Variants in FGF12 observed in about 807,000 individuals in gnomAD.
The protein encoded by FGF12 is fibroblast growth factor 12B.
Under a neutral mutation model 23.6 loss-of-function variants are expected in FGF12, and 14 were observed. The observed-to-expected ratio is 0.59, with a 90% CI of 0.39 to 0.93. The LOEUF (loss-of-function observed/expected upper bound fraction) is 0.93, where lower values mean the gene tolerates loss of function less well. FGF12 is among the 40% of genes least tolerant of loss of function. The pLI is 0.00. For missense variants in FGF12, 175 were observed against 217.8 expected, an observed-to-expected ratio of 0.80 and a Z score of 1.24; for synonymous variants, 62 against 77.3, an observed-to-expected ratio of 0.80 and a Z score of 1.04.
intron 5 of FGF12, among the ~76,000 whole-genome samples, chr3:192,158,352 TTC>T (rs1714577974): frequency 1.1e-5 from 1 of 94,984 alleles, no homozygotes; most frequent in African/African-American, 4.1e-5. Flanking sequence ...CTTTCTTTCT[TTC>T]TTTCTTTCTT....
At chr3:192,544,775 A>C (rs1725455185) in intron 2 of FGF12, among the ~76,000 whole-genome samples, 1 of 152,174 alleles carries the variant, frequency 6.6e-6, no homozygotes, top group African/African-American at 2.4e-5. Flanking sequence ...TAGACTTTTT[A>C]GACTCTCATT....
intron 2 of FGF12, among the ~76,000 whole-genome samples, chr3:192,414,253 T>C (rs1721279922): frequency 6.6e-6 from 1 of 152,192 alleles, no homozygotes; most frequent in Non-Finnish European, 1.5e-5. Flanking sequence ...TATTGACACA[T>C]TGAATCCTTA....
At chr3:192,541,155 C>T (rs1312715462) in intron 2 of FGF12, among the ~76,000 whole-genome samples, 3 of 152,066 alleles carry the variant, frequency 2.0e-5, no homozygotes, top group Non-Finnish European at 2.9e-5. Flanking sequence ...GGACTTACCC[C>T]TGCCATTTTG....
chr3:192,176,143 C>T (rs2108626990), intron 4 of FGF12, among the ~76,000 whole-genome samples: 1 of 152,304 alleles, frequency 6.6e-6, no homozygotes, highest in East Asian at 1.9e-4. Context: ...GTTTGACTCC[C>T]ACTGTCAACA....
At chr3:192,222,350 G>A (rs1718520113) in intron 4 of FGF12, among the ~76,000 whole-genome samples, 1 of 152,150 alleles carries the variant, frequency 6.6e-6, no homozygotes, top group African/African-American at 2.4e-5. Flanking sequence ...TCCTTAGAAT[G>A]TCCAGAGGAA....
At chr3:192,377,486 G>A (rs963169039) in intron 2 of FGF12, among the ~76,000 whole-genome samples, 1 of 152,186 alleles carries the variant, frequency 6.6e-6, no homozygotes, top group Non-Finnish European at 1.5e-5. Context: ...TTTTAAGTGG[G>A]AGGCAGAGTC....
intron 2 of FGF12, among the ~76,000 whole-genome samples, chr3:192,427,885 C>T (rs948000265): frequency 6.6e-6 from 1 of 152,210 alleles, no homozygotes; most frequent in African/African-American, 2.4e-5. Context: ...TCTTCTCATG[C>T]CTGCTGGCAT....
At chr3:192,158,001 G>T (rs1208076872) in intron 5 of FGF12, among the ~76,000 whole-genome samples, 3 of 152,160 alleles carry the variant, frequency 2.0e-5, no homozygotes, top group Non-Finnish European at 4.4e-5. Context: ...GCAATACAGG[G>T]CAGTCAGCTT....
chr3:192,225,809 T>C (rs776440644), intron 4 of FGF12, among the ~76,000 whole-genome samples: 1 of 152,162 alleles, frequency 6.6e-6, no homozygotes, highest in Non-Finnish European at 1.5e-5. Context: ...TGTTATAACA[T>C]GGATGAACCT....
chr3:192,698,590 T>C (rs1282271197), intron 2 of FGF12, among the ~76,000 whole-genome samples: 1 of 66,532 alleles, frequency 1.5e-5, no homozygotes, highest in African/African-American at 1.7e-4. Context: ...TGAGTAAACA[T>C]AGACTTCATT....
intron 2 of FGF12, among the ~76,000 whole-genome samples, chr3:192,431,005 T>G (rs1282425165): frequency 6.6e-6 from 1 of 152,190 alleles, no homozygotes; most frequent in Non-Finnish European, 1.5e-5. Flanking sequence ...CATGTTAACC[T>G]CAAGTCACAA....
intron 4 of FGF12, among the ~76,000 whole-genome samples, chr3:192,214,100 G>A (rs945820002): frequency 1.3e-5 from 2 of 152,202 alleles, no homozygotes; most frequent in Admixed American, 6.5e-5. Flanking sequence ...CAATCTAGAA[G>A]ATGCTTTTCC....
chr3:192,700,298 A>G (rs540584561), intron 2 of FGF12, among the ~76,000 whole-genome samples: 1 of 152,308 alleles, frequency 6.6e-6, no homozygotes, highest in African/African-American at 2.4e-5. Flanking sequence ...TAAAACCAGA[A>G]AATTGGGCTT....
chr3:192,472,414 T>C (rs995398458), intron 2 of FGF12, among the ~76,000 whole-genome samples: 22 of 152,280 alleles, frequency 1.4e-4, no homozygotes, highest in South Asian at 2.1e-4. Flanking sequence ...TAGGTTCAGA[T>C]ACTTGGAATG....
chr3:192,567,471 G>A (rs935120077), intron 2 of FGF12, among the ~76,000 whole-genome samples: 8 of 152,232 alleles, frequency 5.3e-5, no homozygotes, highest in East Asian at 1.9e-4. Context: ...TGCCTGGGGG[G>A]AAAAGCATGT....
At chr3:192,340,824 A>T (rs1489518455) in intron 3 of FGF12, among the ~76,000 whole-genome samples, 1 of 152,208 alleles carries the variant, frequency 6.6e-6, no homozygotes, top group Non-Finnish European at 1.5e-5. Context: ...TGGATTAAAT[A>T]ATTAAATGTG....
intron 5 of FGF12, among the ~76,000 whole-genome samples, chr3:192,147,914 A>G (rs901839983): frequency 1.3e-5 from 2 of 152,220 alleles, no homozygotes; most frequent in African/African-American, 2.4e-5. Flanking sequence ...AGAAATGGTA[A>G]TAAAAGAAAA....
intron 2 of FGF12, among the ~76,000 whole-genome samples, chr3:192,450,252 G>A (rs1722480959): frequency 6.6e-6 from 1 of 152,152 alleles, no homozygotes; most frequent in South Asian, 2.1e-4. Context: ...TCATTTTATA[G>A]CAATCTCCTT....
At chr3:192,469,360 A>G (rs887088472) in intron 2 of FGF12, among the ~76,000 whole-genome samples, 2 of 152,184 alleles carry the variant, frequency 1.3e-5, no homozygotes, top group African/African-American at 4.8e-5. Context: ...ACACACCTGT[A>G]TTTCTCTCTG....
Sources: allele counts gnomAD v4.1 joint callset (sites outside exome capture counted in the v4.1 genomes callset), GRCh38; gene constraint gnomAD v4.1.1; transcripts MANE v1.5; gene names NCBI Gene and HGNC (gene_info 2026-07-23, HGNC 2026-07-21).